ARHGAP29: variants seen among roughly 807,000 people sequenced by gnomAD.
ARHGAP29 encodes the protein rho GTPase-activating protein 29.
Under a neutral mutation model 122.6 loss-of-function variants are expected in ARHGAP29, and 43 were observed. The ratio of observed to expected loss-of-function variants is 0.35; its 90% CI spans 0.27 to 0.45. The LOEUF is 0.45. Among genes scored for constraint, ARHGAP29 ranks in the 20% least tolerant of loss-of-function variants. The probability of loss-of-function intolerance (pLI) is 1.00; values close to 1 mark genes in which losing one functional copy is unlikely to be tolerated. For synonymous variants in ARHGAP29, 506 were observed against 497.1 expected (o/e 1.02, Z -0.24); for missense variants, 1,303 against 1,477.2 (o/e 0.88, Z 1.93).
intron 12 of ARHGAP29, chr1:94,195,000 G>A (rs1052445009): frequency 6.6e-6 from 1 of 152,104 alleles, no homozygotes; most frequent in Non-Finnish European, 1.5e-5. Context: ...TGCAACCATT[G>A]TGGTTATCAA....
At chr1:94,276,441 T>A (rs148543106), upstream of ARHGAP29, among the ~76,000 whole-genome samples, 1 of 151,030 alleles carries the variant, frequency 6.6e-6, no homozygotes, top group Non-Finnish European at 1.5e-5. Flanking sequence ...TTTTTAGATT[T>A]TTTTTTTTTT....
intron 2 of ARHGAP29, among the ~76,000 whole-genome samples, chr1:94,230,119 A>C (rs907131384): frequency 1.3e-5 from 2 of 151,770 alleles, no homozygotes; most frequent in African/African-American, 4.8e-5. Flanking sequence ...CTGCATATCA[A>C]GAAGTATACA....
At chr1:94,260,531 C>A (rs542533931) in intron 1 of ARHGAP29, among the ~76,000 whole-genome samples, 1 of 152,250 alleles carries the variant, frequency 6.6e-6, no homozygotes, top group African/African-American at 2.4e-5. Context: ...ATGGAGTAAT[C>A]TGGCAAGGAA....
Position 94,237,505 on chromosome 1 carries a change from TC to T in ARHGAP29, c.-124del. On this transcript the variant is annotated 5_prime_UTR_variant, in exon 1 of 23. Transcript: ENST00000260526. ...CGAGGGCTGGAGCTCGCTGCCCCCATCCCCCACGGCCTGCGGACGCCCGGCC... is the reference window on the plus strand; with the variant it reads ...CGAGGGCTGGAGCTCGCTGCCCCCATCCCCACGGCCTGCGGACGCCCGGCC... The T allele has an allele frequency of 1.0e-6, 1 of 987,906 alleles. No individual in the cohort carries two copies. The allele number at this position is 987,906 out of a possible 1,614,324, so 61.2% of individuals were successfully genotyped here. A position where few individuals can be genotyped will look rare whatever the true frequency, so the allele number is the denominator to read the frequency against.
At position 94,169,943 on chromosome 1, in the gene ARHGAP29, T is replaced by C. The variant is rs540055523; in HGVS notation, c.*3926A>G. ...TGTCACTGAATAAAGCAGGCATTCA[T>C]GAATCTATACTGATTTAAGTGAATG... On this transcript the variant is annotated 3_prime_UTR_variant, in exon 23 of 23. Transcript: ENST00000260526. Among the ~76,000 whole-genome samples, 1 of 152,192 alleles carries C rather than the reference T, an allele frequency of 6.6e-6. No individual in the cohort carries two copies. Among genetic ancestry groups the C allele is most frequent in the Non-Finnish European group, 1.5e-5 (1 of 68,036 alleles).
Position 94,203,178 on chromosome 1 carries a change from A to C in ARHGAP29, c.795T>G (p.Asn265Lys), listed in dbSNP as rs61743723. Residue 265 changes from asparagine to lysine, a missense_variant, in exon 9 of 23, where the codon AAT becomes AAG. This residue lies in a region of ARHGAP29 where 592 missense variants were observed against 648.2 expected (regional missense o/e 0.91). Coordinates refer to ENST00000260526, the MANE Select transcript of ARHGAP29 (RefSeq NM_004815.4). The stretch of plus-strand genomic sequence containing the variant: ...TGCTTTCTATATCATTAAGAAGAGC[A>C]TTAGTAAACAGAGACTGCAGTGGCA... ...EFMPLQSLFT[N>K]ALLNDIESSH... 183 of 1,612,596 alleles carry C rather than the reference A, an allele frequency of 1.1e-4. No homozygotes were observed. The African/African-American group carries it at 2.1e-3, about 19-fold the overall frequency.
intron 20 of ARHGAP29, among the ~76,000 whole-genome samples, chr1:94,178,446 A>C (rs1649250230): frequency 6.6e-6 from 1 of 152,172 alleles, no homozygotes; most frequent in African/African-American, 2.4e-5. Flanking sequence ...AACTGCTCCC[A>C]TCTCAGTATA....
In ARHGAP29 at chr1:94,231,657, G is replaced by T. The variant is rs374971988; in HGVS notation, c.-32-14C>A. On this transcript the variant is annotated splice_polypyrimidine_tract_variant and intron_variant, in intron 1 of 22. Transcript: ENST00000260526. ...AAAACTGAAATCCTTAAGGGGGCAA[G>T]AAACAAAACAAAAACAAGCGAGGAG... is the stretch of plus-strand genomic sequence containing the variant. 3.8e-6 allele frequency: 6 copies of T among 1,562,840 alleles called. No individual in the cohort carries two copies. Among genetic ancestry groups the T allele is most frequent in the South Asian group, 1.2e-5 (1 of 84,662 alleles).
At chr1:94,211,802 C>T (rs192255541) in intron 3 of ARHGAP29, among the ~76,000 whole-genome samples, 428 of 152,056 alleles carry the variant, frequency 2.8e-3, no homozygotes, top group Non-Finnish European at 4.6e-3. Context: ...ATATGCACAA[C>T]GTGCATGTTT....
chr1:94,293,787 G>A, the ARHGAP29 span, among the ~76,000 whole-genome samples: 90 of 152,286 alleles, frequency 5.9e-4, no homozygotes, highest in Middle Eastern at 0.02. Flanking sequence ...AGGAATTTCC[G>A]TGTTCAGCTA....
At chr1:94,244,665 A>C (rs1222785128) in intron 1 of ARHGAP29, among the ~76,000 whole-genome samples, 1 of 152,116 alleles carries the variant, frequency 6.6e-6, no homozygotes, top group Non-Finnish European at 1.5e-5. Flanking sequence ...AATCTTAAGA[A>C]GCCTATAAGC....
At position 94,202,484 on chromosome 1, in the gene ARHGAP29, CA is replaced by C. The variant is rs1254805627; in HGVS notation, c.1143+59del. On this transcript the variant is annotated intron_variant, in intron 11 of 22. Transcript: ENST00000260526. ...CTTGGCAGACGCAGAACTTTGACAC[CA>C]AACTCCTGGCAGATTACCGCTAATT... 1.9e-6 allele frequency: 3 copies of C among 1,593,306 alleles called. No homozygotes were observed. In the African/African-American group the frequency reaches 4.0e-5, roughly 21 times the overall value.
At chr1:94,258,001 G>T (rs892352546) in intron 1 of ARHGAP29, among the ~76,000 whole-genome samples, 2 of 152,172 alleles carry the variant, frequency 1.3e-5, no homozygotes, top group African/African-American at 4.8e-5. Context: ...AGGGATGTTG[G>T]ATTCTGGTGT....
At chr1:94,232,932 G>GTT (rs79225178) in intron 1 of ARHGAP29, among the ~76,000 whole-genome samples, 6 of 136,992 alleles carry the variant, frequency 4.4e-5, no homozygotes, top group East Asian at 2.1e-4. Context: ...AAGTTTTTTG[G>GTT]TTTTTTTTTT....
At chr1:94,202,225 C>T (rs926090922) in intron 11 of ARHGAP29, 2 of 534,314 alleles carry the variant, frequency 3.7e-6, no homozygotes, top group Admixed American at 3.7e-5. Context: ...CACATACACA[C>T]ACACACTTGC....
Position 94,205,196 on chromosome 1 carries a change from T to C in ARHGAP29, c.562A>G (p.Asn188Asp). ...TTGTCTAGTTCTAAAGGGGAAAAATTTCCTGAAAACAAAAATATCAAGGTA... is the reference window on the plus strand; with the variant it reads ...TTGTCTAGTTCTAAAGGGGAAAAATCTCCTGAAAACAAAAATATCAAGGTA... ...ESVDSSSEKG[N>D]FSPLELDNVL... The change falls in exon 7 of 23, where the codon AAT becomes GAT. Residue 188 changes from asparagine (N) to aspartate (D), a missense_variant and splice_region_variant. Physicochemically the swap from Asn to Asp is conservative, Grantham distance 23. Coordinates refer to ENST00000260526, the MANE Select transcript of ARHGAP29 (RefSeq NM_004815.4). The C allele has an allele frequency of 6.3e-7, 1 of 1,575,866 alleles. No homozygotes were observed. Among genetic ancestry groups the C allele is most frequent in the East Asian group, 2.3e-5 (1 of 43,302 alleles).
intron 1 of ARHGAP29, among the ~76,000 whole-genome samples, chr1:94,266,125 C>T (rs762208231): frequency 1.9e-4 from 29 of 152,060 alleles, no homozygotes; most frequent in Admixed American, 1.3e-4. Context: ...AGGGTTCAGG[C>T]GATTAGAATA....
intron 1 of ARHGAP29, among the ~76,000 whole-genome samples, chr1:94,259,857 G>A (rs1268840250): frequency 2.0e-5 from 3 of 152,192 alleles, no homozygotes; most frequent in Non-Finnish European, 4.4e-5. Flanking sequence ...AGATGGAACA[G>A]GAATCTGTGT....
the ARHGAP29 span, among the ~76,000 whole-genome samples, chr1:94,312,361 T>G: frequency 4.6e-5 from 7 of 150,678 alleles, no homozygotes; most frequent in African/African-American, 1.5e-4. Flanking sequence ...ATTTGTTTTT[T>G]TTTTTTTTTT....
Sources: allele counts gnomAD v4.1 joint callset (sites outside exome capture counted in the v4.1 genomes callset), GRCh38; gene constraint gnomAD v4.1.1; regional missense constraint gnomAD v4.1.1; transcripts MANE v1.5; gene names NCBI Gene and HGNC (gene_info 2026-07-23, HGNC 2026-07-21).